The following PPM1L variants were observed in gnomAD, a reference collection of about 807,000 sequenced individuals.
PPM1L encodes protein phosphatase, Mg2+/Mn2+ dependent 1L.
In PPM1L, 13 loss-of-function variants were observed where a neutral mutation model predicts 31.4. That is an observed-to-expected ratio of 0.41 (90% confidence interval 0.27 to 0.66). PPM1L has a LOEUF of 0.66. PPM1L is among the 30% of genes least tolerant of loss of function. The pLI, the probability that PPM1L is intolerant of heterozygous loss-of-function variation, is 0.29. For missense variants in PPM1L, 326 were observed against 453.7 expected (o/e 0.72, Z 2.56); for synonymous variants, 184 against 175.4 (o/e 1.05, Z -0.39).
intron 1 of PPM1L, among the ~76,000 whole-genome samples, chr3:160,944,835 T>TATTATATATA (rs1559897079): frequency 4.2e-5 from 2 of 48,070 alleles, no homozygotes; most frequent in African/African-American, 5.6e-5. Flanking sequence ...ATATAACATA[T>TATTATATATA]ATATGTTATA....
intron 1 of PPM1L, among the ~76,000 whole-genome samples, chr3:160,790,080 G>C (rs1353808369): frequency 6.6e-6 from 1 of 152,018 alleles, no homozygotes; most frequent in Non-Finnish European, 1.5e-5. Flanking sequence ...ACAAAGTTCA[G>C]TACATGAAAC....
chr3:160,920,163 A>G (rs540490048), intron 1 of PPM1L, among the ~76,000 whole-genome samples: 7 of 152,262 alleles, frequency 4.6e-5, no homozygotes, highest in South Asian at 2.1e-4. Flanking sequence ...TTGTCTCTGC[A>G]GGCGGGCTCC....
intron 2 of PPM1L, among the ~76,000 whole-genome samples, chr3:161,029,028 CTTA>C (rs779773168): frequency 6.6e-6 from 1 of 152,118 alleles, no homozygotes; most frequent in Non-Finnish European, 1.5e-5. Context: ...GAGCATAATA[CTTA>C]TTATTTTCCA....
chr3:160,827,096 C>T (rs6768578), intron 1 of PPM1L, among the ~76,000 whole-genome samples: 5,164 of 152,186 alleles, frequency 0.034, 303 homozygotes, highest in African/African-American at 0.12. Context: ...CACTGTTGTT[C>T]TTTCTCAAAC....
intron 2 of PPM1L, among the ~76,000 whole-genome samples, chr3:161,021,974 G>A (rs1718246449): frequency 6.6e-6 from 1 of 151,614 alleles, no homozygotes; most frequent in Admixed American, 6.6e-5. Context: ...CTTTTTATTA[G>A]AATTTTTAAT....
intron 1 of PPM1L, among the ~76,000 whole-genome samples, chr3:160,781,666 C>G (rs575590636): frequency 3.9e-5 from 6 of 152,268 alleles, no homozygotes; most frequent in East Asian, 1.9e-4. Context: ...CCGGCAACTT[C>G]TAGAAGTAAT....
chr3:160,771,380 C>G (rs1366341320), intron 1 of PPM1L, among the ~76,000 whole-genome samples: 1 of 151,682 alleles, frequency 6.6e-6, no homozygotes, highest in Non-Finnish European at 1.5e-5. Context: ...CCACAGCCTC[C>G]TGACACACAA....
At chr3:161,012,573 G>A (rs907736008) in intron 2 of PPM1L, among the ~76,000 whole-genome samples, 4 of 151,828 alleles carry the variant, frequency 2.6e-5, no homozygotes, top group Non-Finnish European at 5.9e-5. Flanking sequence ...CTATTGATTG[G>A]AATAGTTTCA....
intron 2 of PPM1L, among the ~76,000 whole-genome samples, chr3:160,963,421 A>G (rs1475199116): frequency 6.6e-6 from 1 of 152,110 alleles, no homozygotes; most frequent in African/African-American, 2.4e-5. Flanking sequence ...GATGTAGAAA[A>G]TAGATCTTGC....
chr3:160,835,816 A>G (rs1486124373), intron 1 of PPM1L, among the ~76,000 whole-genome samples: 1 of 152,190 alleles, frequency 6.6e-6, no homozygotes, highest in East Asian at 1.9e-4. Context: ...AGAGTTCTAT[A>G]GTATCTTTCC....
rs375194655 is a variant in PPM1L, at chr3:161,012,991, G to C, written c.574+51081G>C. On this transcript the variant is annotated intron_variant, in intron 2 of 3. Transcript: ENST00000498165. The stretch of plus-strand genomic sequence containing the variant: ...CAGCTCCTGGATTCATTGATTTTTT[G>C]AAGGGTTTTTTGTTTCTCTATATCT... Among the ~76,000 whole-genome samples, 6 of 152,086 alleles carry C rather than the reference G, an allele frequency of 3.9e-5. No homozygotes were observed. The East Asian group carries it at 9.7e-4, about 25-fold the overall frequency.
chr3:161,005,386 T>A (rs1481091314), intron 2 of PPM1L, among the ~76,000 whole-genome samples: 1 of 152,200 alleles, frequency 6.6e-6, no homozygotes, highest in Non-Finnish European at 1.5e-5. Flanking sequence ...CATGAAATGA[T>A]GCAATTAACT....
In PPM1L at chr3:160,827,801, A is replaced by C. The variant is rs562646265; in HGVS notation, c.399+71094A>C. 5.3e-5 allele frequency among the ~76,000 whole-genome samples: 8 copies of C among 152,208 alleles called. No homozygotes were observed. The South Asian group carries it at 1.7e-3, about 32-fold the overall frequency. On this transcript the variant is annotated intron_variant, in intron 1 of 3. Transcript: ENST00000498165. The stretch of plus-strand genomic sequence containing the variant: ...GATAAAGGAATACTGGAGGCTAGGT[A>C]ATTTATAAAGAAAGAGGTTTAATTG...
intron 1 of PPM1L, among the ~76,000 whole-genome samples, chr3:160,793,085 T>A (rs1712149491): frequency 6.6e-6 from 1 of 152,178 alleles, no homozygotes; most frequent in Non-Finnish European, 1.5e-5. Context: ...TTAACCTTGA[T>A]CATCTGGCTG....
intron 2 of PPM1L, among the ~76,000 whole-genome samples, chr3:161,019,315 C>T (rs1576787162): frequency 6.6e-6 from 1 of 152,056 alleles, no homozygotes; most frequent in East Asian, 1.9e-4. Flanking sequence ...CACCTCAACT[C>T]CCCGAGTAGC....
At position 161,077,701 on chromosome 3, in the gene PPM1L, CTAAA is replaced by C. The variant is rs1403796753; in HGVS notation, c.*8546_*8549del. The C allele has an allele frequency of 2.6e-5, 4 of 152,264 alleles. No homozygotes were observed. The highest frequency in any genetic ancestry group is 3.4e-3 in the Middle Eastern group (1 of 294). 9.4% of individuals were successfully genotyped at this position (152,264 alleles called of 1,614,324 possible). ...CCTGATTTCAAATATGAACAGAAGA[CTAAA>C]TGTCATTTTTTTAAATCATAAATTT... On this transcript the variant is annotated 3_prime_UTR_variant, in exon 4 of 4. Coordinates refer to ENST00000498165, the MANE Select transcript of PPM1L (RefSeq NM_139245.4).
chr3:161,003,027 G>A (rs1226186700), intron 2 of PPM1L, among the ~76,000 whole-genome samples: 4 of 150,744 alleles, frequency 2.7e-5, no homozygotes, highest in East Asian at 1.9e-4. Context: ...AAAGTGTAAG[G>A]AAGGGATCCA....
intron 2 of PPM1L, among the ~76,000 whole-genome samples, chr3:160,973,288 C>A (rs536364321): frequency 2.0e-5 from 3 of 152,290 alleles, no homozygotes; most frequent in South Asian, 4.1e-4. Context: ...TACTTCCTGT[C>A]TCTGAAGTAG....
intron 1 of PPM1L, among the ~76,000 whole-genome samples, chr3:160,881,587 A>G (rs962097466): frequency 2.6e-5 from 4 of 152,144 alleles, no homozygotes; most frequent in Non-Finnish European, 5.9e-5. Flanking sequence ...TTAGCACTAG[A>G]CTTTTAATGA....
Sources: allele counts gnomAD v4.1 joint callset (sites outside exome capture counted in the v4.1 genomes callset), GRCh38; gene constraint gnomAD v4.1.1; transcripts MANE v1.5; gene names NCBI Gene and HGNC (gene_info 2026-07-23, HGNC 2026-07-21).